The following MICAL3 variants were observed in gnomAD, a reference collection of about 807,000 sequenced individuals.
MICAL3 encodes the protein microtubule associated monooxygenase, calponin and LIM domain containing 3.
A neutral mutation model predicts 207.4 loss-of-function variants in MICAL3; 62 were observed. That is an observed-to-expected ratio of 0.30 (90% confidence interval 0.24 to 0.37). The LOEUF (loss-of-function observed/expected upper bound fraction) is 0.37, where lower values mean the gene tolerates loss of function less well. Ranked by LOEUF, MICAL3 falls within the 10% of genes least tolerant of loss-of-function variation. The pLI, the probability that MICAL3 is intolerant of heterozygous loss-of-function variation, is 1.00. For synonymous variants in MICAL3, 1,077 were observed against 1,069.3 expected (o/e 1.01, Z -0.14); for missense variants, 2,368 against 2,635.6 (o/e 0.90, Z 2.22).
At chr22:17,863,093 GC>G (rs1191899047) in intron 19 of MICAL3, 1 of 985,344 alleles carries the variant, frequency 1.0e-6, no homozygotes, top group Non-Finnish European at 1.2e-6. Context: ...TCTATGGAAA[GC>G]GTAATTCTTT....
At chr22:17,924,566 G>A (rs1932872087) in intron 1 of MICAL3, among the ~76,000 whole-genome samples, 1 of 152,150 alleles carries the variant, frequency 6.6e-6, no homozygotes, top group African/African-American at 2.4e-5. Context: ...TCTGATGGCA[G>A]ATTTTCCAAT....
At position 17,879,443 on chromosome 22, in the gene MICAL3, G is replaced by A. The variant is rs376155771; in HGVS notation, c.2241+6435C>T. 47 of 1,553,154 alleles carry A rather than the reference G, an allele frequency of 3.0e-5. 1 individual carries two copies. In the South Asian group the frequency reaches 3.0e-4, roughly 10 times the overall value. ...TAGAAACTTAAGCTCCATGCATATC[G>A]CTCTATTTGGACCTACTAAACGACA... On this transcript the variant is annotated intron_variant, in intron 16 of 31. Coordinates refer to ENST00000441493, the MANE Select transcript of MICAL3 (RefSeq NM_015241.3).
At chr22:17,871,129 G>C (rs921352093) in intron 17 of MICAL3, among the ~76,000 whole-genome samples, 6 of 152,204 alleles carry the variant, frequency 3.9e-5, no homozygotes, top group African/African-American at 1.2e-4. Context: ...ATAGGAATGG[G>C]GCTGGGGGTC....
chr22:18,020,477 T>C (rs1235987484), intron 1 of MICAL3, among the ~76,000 whole-genome samples: 3 of 151,632 alleles, frequency 2.0e-5, no homozygotes, highest in African/African-American at 4.8e-5. Context: ...TTTTTCAGTG[T>C]AGTTTGTTGT....
chr22:17,979,438 G>T (rs964320207), intron 1 of MICAL3, among the ~76,000 whole-genome samples: 3 of 152,072 alleles, frequency 2.0e-5, no homozygotes, highest in Non-Finnish European at 4.4e-5. Flanking sequence ...CCAGCTACTC[G>T]GGAGTGTGAG....
intron 19 of MICAL3, among the ~76,000 whole-genome samples, chr22:17,858,872 G>T (rs1926212842): frequency 6.6e-6 from 1 of 152,248 alleles, no homozygotes; most frequent in Non-Finnish European, 1.5e-5. Flanking sequence ...GGGATGGGCA[G>T]GCAACAGCAG....
At chr22:17,918,547 C>A (rs1032660542) in intron 1 of MICAL3, among the ~76,000 whole-genome samples, 2 of 152,156 alleles carry the variant, frequency 1.3e-5, no homozygotes, top group Non-Finnish European at 2.9e-5. Context: ...GAAAAGGCCA[C>A]TGTACACACC....
At chr22:17,923,052 C>T (rs1015201040) in intron 1 of MICAL3, among the ~76,000 whole-genome samples, 6 of 152,184 alleles carry the variant, frequency 3.9e-5, no homozygotes, top group Non-Finnish European at 7.3e-5. Flanking sequence ...CCTGAGATCA[C>T]TCCCCCAGCT....
intron 1 of MICAL3, among the ~76,000 whole-genome samples, chr22:17,928,008 T>C (rs966472097): frequency 6.6e-6 from 1 of 152,222 alleles, no homozygotes; most frequent in Non-Finnish European, 1.5e-5. Flanking sequence ...CTTCTGACTG[T>C]ATACTCTGAG....
chr22:17,968,071 TAAATAA>T (rs949353814), intron 1 of MICAL3, among the ~76,000 whole-genome samples: 7 of 143,692 alleles, frequency 4.9e-5, no homozygotes, highest in Admixed American at 1.4e-4. Context: ...ATTTAAAAAT[TAAATAA>T]AAATAATTAT....
rs58938529 is a variant in MICAL3 at position 18,022,431 on chromosome 22, C to CT, written c.-75+1849dup. ...CTGCATTCCGACCTGCACCCCCACC[C>CT]TTTTTTTTTTCTTTTGAGACAGAGT... On this transcript the variant is annotated intron_variant, in intron 1 of 31. Coordinates refer to ENST00000441493, the MANE Select transcript of MICAL3 (RefSeq NM_015241.3). Among the ~76,000 whole-genome samples the CT allele has an allele frequency of 8.8e-3, 1,323 of 149,830 alleles. 23 individuals are homozygous for CT. The highest frequency in any genetic ancestry group is 0.031 in the African/African-American group (1,248 of 40,816).
At chr22:17,865,111 T>G (rs1926945569) in intron 18 of MICAL3, 125 bp from the exon 19 acceptor site, 1 of 724,504 alleles carries the variant, frequency 1.4e-6, no homozygotes, top group Non-Finnish European at 1.8e-6. Context: ...ATTTATTTAT[T>G]TATTTATTTA....
chr22:17,967,469 C>CAA (rs1935192617), intron 1 of MICAL3, among the ~76,000 whole-genome samples: 1 of 119,510 alleles, frequency 8.4e-6, no homozygotes, highest in African/African-American at 3.2e-5. Flanking sequence ...TGCAAACACA[C>CAA]ACACACACAC....
chr22:17,858,374 G>A (rs1926149567), intron 19 of MICAL3: 2 of 662,388 alleles, frequency 3.0e-6, no homozygotes, highest in African/African-American at 2.0e-5. Context: ...GCACTTGTGA[G>A]GCGCTTGGCT....
intron 1 of MICAL3, among the ~76,000 whole-genome samples, chr22:17,997,572 G>A (rs1922432011): frequency 6.6e-6 from 1 of 152,074 alleles, no homozygotes; most frequent in Non-Finnish European, 1.5e-5. Flanking sequence ...AGCAGCAGGC[G>A]TCAGGGCTCT....
At chr22:17,934,015 T>A (rs192258479) in intron 1 of MICAL3, among the ~76,000 whole-genome samples, 2 of 152,260 alleles carry the variant, frequency 1.3e-5, no homozygotes, top group Admixed American at 6.5e-5. Context: ...CAGGACCAGA[T>A]GGATTCACAG....
In MICAL3 at chr22:17,854,749, G is replaced by A. The variant is rs150129898; in HGVS notation, c.2605+10150C>T. Among the ~76,000 whole-genome samples the A allele has an allele frequency of 3.6e-3, 550 of 152,274 alleles. 4 individuals are homozygous for A. The highest frequency in any genetic ancestry group is 0.013 in the African/African-American group (538 of 41,556). On this transcript the variant is annotated intron_variant, in intron 19 of 31. Coordinates refer to ENST00000441493, the MANE Select transcript of MICAL3 (RefSeq NM_015241.3). ...GCACCTGCACATCCCCTACCCCTCC[G>A]TCCATGTTTGTCATGTGCATGAGGC...
Position 17,831,885 on chromosome 22 carries a change from G to GTCCTCCTCCTCCTCCTCTTCATATTCT in MICAL3, c.2997_3023dup (p.Glu999_Glu1007dup). 4.5e-6 allele frequency: 7 copies of GTCCTCCTCCTCCTCCTCTTCATATTCT among 1,553,510 alleles called. 1 individual carries two copies. The Middle Eastern group carries it at 1.0e-3, about 228-fold the overall frequency. ...TGGACTCTTCCTCCTCCTCGTCATA[G>GTCCTCCTCCTCCTCCTCTTCATATTCT]TCCTCCTCCTCCTCCTCTTCATATT... On this transcript the variant is annotated inframe_insertion, in exon 21 of 32. Transcript: ENST00000441493.
chr22:17,857,191 G>T (rs543783510), intron 19 of MICAL3, among the ~76,000 whole-genome samples: 2 of 152,164 alleles, frequency 1.3e-5, no homozygotes, highest in Admixed American at 6.5e-5. Flanking sequence ...TAGACCCACC[G>T]CCTGTCAGGA....
Sources: gnomAD v4.1 joint callset for allele counts (sites outside exome capture counted in the v4.1 genomes callset) on GRCh38, gnomAD v4.1.1 for gene constraint, MANE v1.5 for transcripts, NCBI Gene and HGNC (gene_info 2026-07-23, HGNC 2026-07-21) for gene names.